MINAR2: variants seen among roughly 807,000 people sequenced by gnomAD.
MINAR2 encodes the protein major intrinsically disordered NOTCH2-binding receptor 1-like.
Under a neutral mutation model 16.1 loss-of-function variants are expected in MINAR2, and 21 were observed. The ratio of observed to expected loss-of-function variants is 1.31; its 90% CI spans 0.93 to 1.88. The LOEUF (loss-of-function observed/expected upper bound fraction) is 1.88. Ranked by LOEUF, MINAR2 falls within the 40% of genes most tolerant of loss-of-function variation. The pLI, the probability that MINAR2 is intolerant of heterozygous loss-of-function variation, is 0.00. For synonymous variants in MINAR2, 86 were observed against 83.0 expected (o/e 1.04, Z -0.20); for missense variants, 259 against 229.8 (o/e 1.13, Z -0.82).
At chr5:129,752,600 A>G (rs1219233691) in intron 1 of MINAR2, among the ~76,000 whole-genome samples, 1 of 152,152 alleles carries the variant, frequency 6.6e-6, no homozygotes, top group Admixed American at 6.5e-5. Context: ...GAGGGATAGC[A>G]TTAGGACAAA....
Position 129,765,173 on chromosome 5 carries a change from A to G in MINAR2, c.*110A>G, listed in dbSNP as rs1266628241. 4 of 526,900 alleles carry G rather than the reference A, an allele frequency of 7.6e-6. No individual in the cohort carries two copies. Among genetic ancestry groups the G allele is most frequent in the Non-Finnish European group, 1.2e-5 (4 of 339,714 alleles). 32.6% of individuals were successfully genotyped at this position (526,900 alleles called of 1,614,324 possible). A position where few individuals can be genotyped will look rare whatever the true frequency, so the allele number is the denominator to read the frequency against. On this transcript the variant is annotated 3_prime_UTR_variant, in exon 3 of 3. Transcript: ENST00000564719. ...AAAAACACATGTACATGCAGTGTGA[A>G]TGGATTGTTGATTGTATTATTAAAT... is the stretch of plus-strand genomic sequence containing the variant.
rs183670124 is a variant in MINAR2, at chr5:129,764,902, C to T, written c.412C>T (p.Arg138Trp). ...CTTTTAGGAAAATCCTAATGACCTGCGGTTTTGGTTGGGAGACATGTACAC... is the reference window on the plus strand; with the variant it reads ...CTTTTAGGAAAATCCTAATGACCTGTGGTTTTGGTTGGGAGACATGTACAC... ...GHLKENPNDLRFWLGDMYTPG... is the reference protein window; with the variant it reads ...GHLKENPNDLWFWLGDMYTPG... The change falls in exon 3 of 3, where the codon CGG becomes TGG. Residue 138 changes from arginine (R) to tryptophan (W), a missense_variant. Arg to Trp is a moderately radical substitution (Grantham distance 101, BLOSUM62 -3). Transcript: ENST00000564719. The T allele has an allele frequency of 2.6e-4, 341 of 1,323,974 alleles. No individual in the cohort carries two copies. In the African/African-American group the frequency reaches 4.0e-3, roughly 16 times the overall value. 82.0% of individuals were successfully genotyped at this position (1,323,974 alleles called of 1,614,324 possible). A position where few individuals can be genotyped will look rare whatever the true frequency, so the allele number is the denominator to read the frequency against.
At position 129,765,170 on chromosome 5, in the gene MINAR2, T is replaced by C. The variant is rs535733807; in HGVS notation, c.*107T>C. The C allele has an allele frequency of 6.3e-4, 338 of 532,658 alleles. No homozygotes were observed. The highest frequency in any genetic ancestry group is 6.3e-3 in the African/African-American group (322 of 51,364). The allele number at this position is 532,658 out of a possible 1,614,324, so 33.0% of individuals were successfully genotyped here. On this transcript the variant is annotated 3_prime_UTR_variant, in exon 3 of 3. Transcript: ENST00000564719. ...CAAAAAAACACATGTACATGCAGTG[T>C]GAATGGATTGTTGATTGTATTATTA...
chr5:129,756,945 A>C (rs1297700479), intron 1 of MINAR2, among the ~76,000 whole-genome samples: 7 of 148,354 alleles, frequency 4.7e-5, no homozygotes, highest in Non-Finnish European at 1.0e-4. Context: ...AAAAAAAAAA[A>C]AAAAAAAAAA....
intron 1 of MINAR2, among the ~76,000 whole-genome samples, chr5:129,749,598 G>GA (rs1348258475): frequency 6.6e-6 from 1 of 152,090 alleles, no homozygotes; most frequent in Admixed American, 6.6e-5. Context: ...GAAATGAAAT[G>GA]AAATGAAATT....
chr5:129,754,752 G>A (rs1028407974), intron 1 of MINAR2, among the ~76,000 whole-genome samples: 1 of 152,074 alleles, frequency 6.6e-6, no homozygotes, highest in Admixed American at 6.6e-5. Context: ...CAGAAAGTGT[G>A]TTAACATCTA....
intron 1 of MINAR2, among the ~76,000 whole-genome samples, chr5:129,753,788 A>G (rs985196621): frequency 6.8e-6 from 1 of 146,742 alleles, no homozygotes; most frequent in African/African-American, 2.5e-5. Flanking sequence ...CGTCAGAGAG[A>G]GAGAGAGACA....
intron 2 of MINAR2, among the ~76,000 whole-genome samples, chr5:129,762,009 T>C (rs1758142291): frequency 1.3e-5 from 2 of 151,628 alleles, no homozygotes; most frequent in South Asian, 4.2e-4. Context: ...CGCTGGGGCC[T>C]GTGAGGGGTG....
chr5:129,760,337 A>C (rs2149546518), intron 1 of MINAR2, 41 bp from the exon 2 acceptor site: 1 of 1,440,444 alleles, frequency 6.9e-7, no homozygotes, highest in Middle Eastern at 2.0e-4. Context: ...TACTATCAGA[A>C]GGCCCGTTGC....
At position 129,765,142 on chromosome 5, in the gene MINAR2, TAAC is replaced by T. The variant is rs925838776; in HGVS notation, c.*82_*84del. The T allele has an allele frequency of 1.0e-5, 9 of 858,066 alleles. No homozygotes were observed. The African/African-American group carries it at 1.6e-4, about 15-fold the overall frequency. The allele number at this position is 858,066 out of a possible 1,614,324, so 53.2% of individuals were successfully genotyped here. A position where few individuals can be genotyped will look rare whatever the true frequency, so the allele number is the denominator to read the frequency against. ...ACATTTGAAACCCCCCCCACCAAAA[TAAC>T]AAAAAAACACATGTACATGCAGTGT... On this transcript the variant is annotated 3_prime_UTR_variant, in exon 3 of 3. Transcript: ENST00000564719.
In MINAR2 at chr5:129,748,244, T is replaced by G. The variant is rs1757940293; in HGVS notation, c.54T>G (p.Leu18=). The part of the protein sequence containing the change: ...NNNHPDKFLQ[L]DVKSLTRSSA... Reference sequence around the variant, plus strand: ...ACCATCCTGACAAATTCCTGCAGCTTGACGTAAAGTCTTTAACGAGGAGCT... The same window carrying G: ...ACCATCCTGACAAATTCCTGCAGCTGGACGTAAAGTCTTTAACGAGGAGCT... The change falls in exon 1 of 3, where the codon CTT becomes CTG. Residue 18 remains leucine (L), a synonymous_variant. Transcript: ENST00000564719. 6.5e-7 allele frequency: 1 copy of G among 1,535,244 alleles called. No homozygotes were observed. The highest frequency in any genetic ancestry group is 1.4e-5 in the African/African-American group (1 of 73,150).
Position 129,765,079 on chromosome 5 carries a change from C to G in MINAR2, c.*16C>G, listed in dbSNP as rs1331782885. The G allele has an allele frequency of 2.4e-6, 3 of 1,254,222 alleles. No individual in the cohort carries two copies. Among genetic ancestry groups the G allele is most frequent in the Non-Finnish European group, 3.0e-6 (3 of 997,206 alleles). 77.7% of individuals were successfully genotyped at this position (1,254,222 alleles called of 1,614,324 possible). A position where few individuals can be genotyped will look rare whatever the true frequency, so the allele number is the denominator to read the frequency against. On this transcript the variant is annotated 3_prime_UTR_variant, in exon 3 of 3. Coordinates refer to ENST00000564719, the MANE Select transcript of MINAR2 (RefSeq NM_001257308.2). ...TTTCACCTGAGGAAACTGCAACAAT[C>G]AGAGCTACTTTAAATTTCCTAAAAA...
At chr5:129,763,927 G>A (rs1758172547) in intron 2 of MINAR2, among the ~76,000 whole-genome samples, 1 of 152,118 alleles carries the variant, frequency 6.6e-6, no homozygotes, top group Non-Finnish European at 1.5e-5. Flanking sequence ...AGAGAGGGTA[G>A]GCAGTCCACT....
intron 1 of MINAR2, among the ~76,000 whole-genome samples, chr5:129,756,696 G>A (rs1254788866): frequency 6.6e-6 from 1 of 151,832 alleles, no homozygotes; most frequent in African/African-American, 2.4e-5. Context: ...ATTTCTCTGT[G>A]TAATTATTTT....
intron 1 of MINAR2, among the ~76,000 whole-genome samples, chr5:129,756,593 A>G (rs1354502403): frequency 1.3e-5 from 2 of 152,020 alleles, no homozygotes; most frequent in African/African-American, 2.4e-5. Flanking sequence ...TCCATTCCTG[A>G]GTTACTTCAC....
chr5:129,761,690 AGGAC>A, intron 2 of MINAR2, among the ~76,000 whole-genome samples: 1 of 152,112 alleles, frequency 6.6e-6, no homozygotes, highest in South Asian at 2.1e-4. Flanking sequence ...AAGAGTCTTA[AGGAC>A]ATCTAAAAAG....
intron 2 of MINAR2, among the ~76,000 whole-genome samples, chr5:129,761,518 T>C (rs946626910): frequency 5.9e-5 from 9 of 152,204 alleles, no homozygotes; most frequent in Non-Finnish European, 1.0e-4. Context: ...AAAGATCCAC[T>C]GTCCAGAATC....
chr5:129,764,883 G>A lies in MINAR2; in HGVS notation c.394-1G>A. The A allele has an allele frequency of 1.5e-6, 2 of 1,302,254 alleles. No homozygotes were observed. The highest frequency in any genetic ancestry group is 9.8e-7 in the Non-Finnish European group (1 of 1,023,510). The allele number at this position is 1,302,254 out of a possible 1,614,324, so 80.7% of individuals were successfully genotyped here. ...ATATTCTCTATGTAATTTTCTTTTA[G>A]GAAAATCCTAATGACCTGCGGTTTT... On this transcript the variant is annotated splice_acceptor_variant, in intron 2 of 2. Transcript: ENST00000564719. LOFTEE classifies it high-confidence loss of function.
In MINAR2 at chr5:129,758,392, G is replaced by A. The variant is rs557401385; in HGVS notation, c.166-1986G>A. ...AAATTTATACTATTAATTTTCCTTC[G>A]TCTGTCTCTCAGACATAAATTCACA... On this transcript the variant is annotated intron_variant, in intron 1 of 2. Transcript: ENST00000564719. 6.8e-4 allele frequency among the ~76,000 whole-genome samples: 104 copies of A among 151,862 alleles called. 1 individual carries two copies. Among genetic ancestry groups the A allele is most frequent in the East Asian group, 3.9e-4 (2 of 5,174 alleles).
Sources: allele counts gnomAD v4.1 joint callset (sites outside exome capture counted in the v4.1 genomes callset), GRCh38; gene constraint gnomAD v4.1.1; transcripts MANE v1.5; gene names NCBI Gene and HGNC (gene_info 2026-07-23, HGNC 2026-07-21).